Variants in SACM1L observed in about 807,000 individuals in gnomAD.
The protein encoded by SACM1L is phosphatidylinositol-3-phosphatase SAC1.
Under a neutral mutation model 89.5 loss-of-function variants are expected in SACM1L, and 32 were observed. The observed-to-expected ratio is 0.36, with a 90% CI of 0.27 to 0.48. The LOEUF (loss-of-function observed/expected upper bound fraction) is 0.48, where lower values mean the gene tolerates loss of function less well. SACM1L is among the 20% of genes least tolerant of loss of function. The probability of loss-of-function intolerance (pLI) is 0.99; values close to 1 mark genes in which losing one functional copy is unlikely to be tolerated. For missense variants in SACM1L, 543 were observed against 708.5 expected (o/e 0.77, Z 2.65); for synonymous variants, 213 against 232.8 (o/e 0.92, Z 0.77).
chr3:45,741,452 A>G (rs1395587619), intron 19 of SACM1L, among the ~76,000 whole-genome samples: 1 of 152,176 alleles, frequency 6.6e-6, no homozygotes, highest in Non-Finnish European at 1.5e-5. Context: ...TCACTGGATC[A>G]GCAACTTTTT....
chr3:45,722,345 A>G (rs764589098), intron 9 of SACM1L, among the ~76,000 whole-genome samples: 6 of 152,002 alleles, frequency 3.9e-5, no homozygotes, highest in Non-Finnish European at 8.8e-5. Context: ...AAATGGAGCC[A>G]TCTGTCTATT....
At position 45,732,062 on chromosome 3, in the gene SACM1L, CT is replaced by C; in HGVS notation, c.1014del (p.Phe338LeufsTer10). The C allele has an allele frequency of 6.3e-7, 1 of 1,583,134 alleles. No individual in the cohort carries two copies. The highest frequency in any genetic ancestry group is 8.6e-7 in the Non-Finnish European group (1 of 1,165,860). On this transcript the variant is annotated frameshift_variant, in exon 13 of 20. Transcript: ENST00000389061. LOFTEE classifies it high-confidence loss of function. ...LGSGMMRYIAFDFHKECKNMR... is the reference protein window; with the variant it reads ...LGSGMMRYIAXDFHKECKNMR... ...TCTTTTCTTTTGGTAGATACATTGC[CT>C]TTGACTTCCATAAGGAATGTAAAAA...
chr3:45,694,893 T>G (rs937501057), intron 1 of SACM1L, among the ~76,000 whole-genome samples: 2 of 152,120 alleles, frequency 1.3e-5, no homozygotes, highest in Non-Finnish European at 2.9e-5. Context: ...AGAAGTCTGG[T>G]TGAGAGAATG....
intron 11 of SACM1L, among the ~76,000 whole-genome samples, chr3:45,725,198 G>T (rs1293810617): frequency 6.6e-6 from 1 of 152,046 alleles, no homozygotes; most frequent in Non-Finnish European, 1.5e-5. Context: ...TGAATTTTAG[G>T]CTTGGTTTTT....
chr3:45,692,639 T>A (rs921363639), intron 1 of SACM1L, among the ~76,000 whole-genome samples: 2 of 152,248 alleles, frequency 1.3e-5, no homozygotes, highest in Non-Finnish European at 2.9e-5. Flanking sequence ...GTACTTAGTG[T>A]ACCTCATAGG....
Position 45,737,614 on chromosome 3 carries a change from T to C in SACM1L, c.1271T>C (p.Leu424Pro), listed in dbSNP as rs1179289521. 4.4e-6 allele frequency: 7 copies of C among 1,595,546 alleles called. No homozygotes were observed. In the East Asian group the frequency reaches 1.6e-4, roughly 36 times the overall value. Residue 424 changes from leucine (L) to proline (P), a missense_variant, in exon 15 of 20, where the codon CTT (leucine) becomes CCT (proline). Physicochemically the swap from Leu to Pro is moderately conservative, Grantham distance 98. Transcript: ENST00000389061. The stretch of plus-strand genomic sequence containing the variant: ...GGAGTTTTGCATGTGGGACAAAAGC[T>C]TGAAGAACAAGATGAATTTGAGAAG... ...RLGVLHVGQK[L>P]EEQDEFEKIY...
At chr3:45,738,211 G>T (rs528764773) in intron 16 of SACM1L, among the ~76,000 whole-genome samples, 1 of 152,166 alleles carries the variant, frequency 6.6e-6, no homozygotes, top group African/African-American at 2.4e-5. Flanking sequence ...AGAACATTTT[G>T]AATGTATTAT....
chr3:45,741,949 C>T (rs1393788598), intron 19 of SACM1L, among the ~76,000 whole-genome samples: 3 of 152,242 alleles, frequency 2.0e-5, no homozygotes, highest in Non-Finnish European at 4.4e-5. Flanking sequence ...GCCAGCCCTG[C>T]TTTCATTTCC....
At chr3:45,730,764 A>G (rs912630332) in intron 11 of SACM1L, 1 of 152,236 alleles carries the variant, frequency 6.6e-6, no homozygotes, top group Non-Finnish European at 1.5e-5. Flanking sequence ...CAGCCTTTAG[A>G]TGGTCTATTG....
At chr3:45,690,388 G>A (rs1052081267) in intron 1 of SACM1L, 16 of 152,216 alleles carry the variant, frequency 1.1e-4, no homozygotes, top group Admixed American at 2.0e-4. Context: ...GGAATATCTG[G>A]TAGGAGAAAC....
intron 13 of SACM1L, chr3:45,734,730 C>T (rs1047900947): frequency 2.0e-5 from 3 of 152,348 alleles, no homozygotes; most frequent in African/African-American, 7.2e-5. Context: ...CAGGCACGCA[C>T]CACCACGCCC....
rs562925176 is a variant in SACM1L at position 45,744,974 on chromosome 3, A to C, written c.*1305A>C. ...CTAAAAGCGCCTTTATTTCAGCATT[A>C]CCTTTTTTTCATCACTATCTTTTAT... On this transcript the variant is annotated 3_prime_UTR_variant, in exon 20 of 20. Coordinates refer to ENST00000389061, the MANE Select transcript of SACM1L (RefSeq NM_014016.5). 2 of 152,118 alleles carry C rather than the reference A, an allele frequency of 1.3e-5. No individual in the cohort carries two copies. Among genetic ancestry groups the C allele is most frequent in the African/African-American group, 2.4e-5 (1 of 41,426 alleles). The allele number at this position is 152,118 out of a possible 1,614,324, so 9.4% of individuals were successfully genotyped here.
intron 1 of SACM1L, among the ~76,000 whole-genome samples, chr3:45,696,232 C>T (rs140674222): frequency 2.4e-3 from 371 of 152,160 alleles, no homozygotes; most frequent in African/African-American, 8.4e-3. Context: ...CTCCTGACCT[C>T]GTGATCCGCC....
chr3:45,724,478 T>A (rs994569382), intron 11 of SACM1L, among the ~76,000 whole-genome samples: 1 of 152,186 alleles, frequency 6.6e-6, no homozygotes. Flanking sequence ...GTAAATCCTT[T>A]CGCTATTTTT....
intron 8 of SACM1L, 82 bp from the exon 9 acceptor site, chr3:45,721,918 C>A: frequency 2.2e-6 from 2 of 898,092 alleles, no homozygotes; most frequent in Non-Finnish European, 3.6e-6. Context: ...TAATTCTCTC[C>A]AAGTTAACCT....
At chr3:45,733,876 A>G (rs1286057444) in intron 13 of SACM1L, among the ~76,000 whole-genome samples, 1 of 152,158 alleles carries the variant, frequency 6.6e-6, no homozygotes. Flanking sequence ...AGGCTAGCAA[A>G]CAGATAGTTT....
In SACM1L at chr3:45,738,883, C is replaced by A; in HGVS notation, c.1569+10C>A. 2 of 1,553,676 alleles carry A rather than the reference C, an allele frequency of 1.3e-6. No individual in the cohort carries two copies. Among genetic ancestry groups the A allele is most frequent in the South Asian group, 1.1e-5 (1 of 88,090 alleles). ...CTGGAAATTCCTGGCTGTAAGAAAC[C>A]ATTTTGTATTTTTCAAGTTTTTAAA... On this transcript the variant is annotated intron_variant, in intron 18 of 19. Transcript: ENST00000389061.
At chr3:45,698,792 G>C (rs1330200722) in intron 1 of SACM1L, among the ~76,000 whole-genome samples, 1 of 151,724 alleles carries the variant, frequency 6.6e-6, no homozygotes, top group East Asian at 1.9e-4. Context: ...TAACTTCACG[G>C]AGTCTTGCTC....
At chr3:45,742,405 G>A (rs1469690797) in intron 19 of SACM1L, among the ~76,000 whole-genome samples, 1 of 152,182 alleles carries the variant, frequency 6.6e-6, no homozygotes, top group Non-Finnish European at 1.5e-5. Flanking sequence ...AATGTAGCAT[G>A]ATCTCTGAGG....
Sources: allele counts gnomAD v4.1 joint callset (sites outside exome capture counted in the v4.1 genomes callset), GRCh38; gene constraint gnomAD v4.1.1; transcripts MANE v1.5; gene names NCBI Gene and HGNC (gene_info 2026-07-23, HGNC 2026-07-21).